PKIG: variants seen among roughly 807,000 people sequenced by gnomAD.
PKIG encodes protein kinase (cAMP-dependent, catalytic) inhibitor gamma.
In PKIG, 1 loss-of-function variant was observed where a neutral mutation model predicts 6.8. The ratio of observed to expected loss-of-function variants is 0.15; its 90% CI spans 0.05 to 0.69. PKIG has a LOEUF of 0.69. Ranked by LOEUF, PKIG falls within the 30% of genes least tolerant of loss-of-function variation. The probability of loss-of-function intolerance (pLI) is 0.82; values close to 1 mark genes in which losing one functional copy is unlikely to be tolerated. For missense variants in PKIG, 77 were observed against 104.0 expected (o/e 0.74, Z 1.13); for synonymous variants, 39 against 43.0 (o/e 0.91, Z 0.36).
At chr20:44,536,236 T>C (rs966061998) in intron 1 of PKIG, among the ~76,000 whole-genome samples, 13 of 152,190 alleles carry the variant, frequency 8.5e-5, no homozygotes, top group African/African-American at 2.9e-4. Context: ...GTTGCTTCCA[T>C]CTTTTGGCTA....
chr20:44,590,639 C>A (rs1175919843), intron 2 of PKIG, among the ~76,000 whole-genome samples: 2 of 152,202 alleles, frequency 1.3e-5, no homozygotes, highest in Non-Finnish European at 2.9e-5. Context: ...CACCAGGCAT[C>A]CATCAGCATC....
At chr20:44,556,552 G>A (rs571341986) in intron 1 of PKIG, among the ~76,000 whole-genome samples, 76 of 151,864 alleles carry the variant, frequency 5.0e-4, no homozygotes, top group Admixed American at 3.9e-3. Context: ...TAGTAGAGAC[G>A]GGGTTTCACC....
chr20:44,602,613 A>G (rs1448014642), intron 2 of PKIG, among the ~76,000 whole-genome samples: 2 of 151,952 alleles, frequency 1.3e-5, no homozygotes, highest in Non-Finnish European at 2.9e-5. Context: ...CAGGTGGATC[A>G]CTTGAGGTCA....
At chr20:44,544,417 A>G (rs189758076) in intron 1 of PKIG, among the ~76,000 whole-genome samples, 3 of 152,300 alleles carry the variant, frequency 2.0e-5, no homozygotes, top group East Asian at 3.9e-4. Flanking sequence ...TTTTTCTCTC[A>G]AAAAATATTA....
chr20:44,537,199 G>A (rs745434409), intron 1 of PKIG, among the ~76,000 whole-genome samples: 1 of 152,158 alleles, frequency 6.6e-6, no homozygotes, highest in Admixed American at 6.6e-5. Context: ...CCACCTCCTG[G>A]GTTCAAGCGA....
At chr20:44,576,745 G>A (rs2064901762) in intron 1 of PKIG, among the ~76,000 whole-genome samples, 2 of 152,182 alleles carry the variant, frequency 1.3e-5, no homozygotes, top group South Asian at 4.1e-4. Flanking sequence ...CTGTTTAAGT[G>A]AAGGTCCATC....
intron 1 of PKIG, among the ~76,000 whole-genome samples, chr20:44,568,110 G>A (rs1048407899): frequency 2.0e-5 from 3 of 152,082 alleles, no homozygotes; most frequent in Non-Finnish European, 2.9e-5. Context: ...CACTGCACTC[G>A]AGCCTGGGTG....
intron 2 of PKIG, among the ~76,000 whole-genome samples, chr20:44,613,111 G>C (rs868459954): frequency 6.6e-6 from 1 of 152,190 alleles, no homozygotes; most frequent in Non-Finnish European, 1.5e-5. Flanking sequence ...TCTCTAGACT[G>C]TGTTACCAAG....
At chr20:44,532,750 A>G (rs896139109) in intron 1 of PKIG, among the ~76,000 whole-genome samples, 1 of 152,206 alleles carries the variant, frequency 6.6e-6, no homozygotes, top group African/African-American at 2.4e-5. Flanking sequence ...AAAATGAGAC[A>G]TGAAGGCTGT....
At chr20:44,595,199 A>G (rs2065065135) in intron 2 of PKIG, among the ~76,000 whole-genome samples, 1 of 152,226 alleles carries the variant, frequency 6.6e-6, no homozygotes, top group Non-Finnish European at 1.5e-5. Context: ...CCCTGTGATC[A>G]TAGGTATGGT....
intron 1 of PKIG, among the ~76,000 whole-genome samples, chr20:44,562,601 C>CAAAAA (rs1191493549): frequency 6.9e-5 from 4 of 57,882 alleles, no homozygotes; most frequent in Admixed American, 1.9e-4. Flanking sequence ...GACCCTGTCT[C>CAAAAA]AAAAAAAAAA....
intron 1 of PKIG, 83 bp downstream of exon 1, chr20:44,582,814 G>A (rs976450118): frequency 3.3e-5 from 5 of 152,370 alleles, no homozygotes; most frequent in African/African-American, 1.2e-4. Context: ...TGGAGAGCTT[G>A]CTTTCCAGCC....
intron 1 of PKIG, among the ~76,000 whole-genome samples, chr20:44,565,096 T>C (rs1390169074): frequency 2.0e-5 from 3 of 152,262 alleles, no homozygotes; most frequent in Non-Finnish European, 2.9e-5. Flanking sequence ...GAAAATATTT[T>C]AAAGCATCAC....
intron 2 of PKIG, among the ~76,000 whole-genome samples, chr20:44,602,739 G>A (rs1380530470): frequency 6.6e-6 from 1 of 152,006 alleles, no homozygotes; most frequent in Non-Finnish European, 1.5e-5. Context: ...TACTTGGGAG[G>A]CTGAGGCAGG....
intron 1 of PKIG, among the ~76,000 whole-genome samples, chr20:44,586,396 C>T (rs2064990433): frequency 6.6e-6 from 1 of 152,170 alleles, no homozygotes; most frequent in African/African-American, 2.4e-5. Context: ...ATTTTGAAAC[C>T]CCTGTGATGA....
intron 2 of PKIG, chr20:44,598,634 T>A (rs1436017931): frequency 6.6e-6 from 1 of 152,190 alleles, no homozygotes; most frequent in Admixed American, 6.5e-5. Flanking sequence ...AGACTGCCAC[T>A]CTCTGGGAAC....
At chr20:44,544,287 A>G (rs2064590453) in intron 1 of PKIG, among the ~76,000 whole-genome samples, 1 of 152,078 alleles carries the variant, frequency 6.6e-6, no homozygotes, top group African/African-American at 2.4e-5. Context: ...CAGAAACAGA[A>G]TTGTGTTTCT....
chr20:44,585,813 C>G (rs2064985483), intron 1 of PKIG, among the ~76,000 whole-genome samples: 1 of 152,242 alleles, frequency 6.6e-6, no homozygotes, highest in South Asian at 2.1e-4. Context: ...CCCCTGGCCC[C>G]TGTGGGAATT....
At chr20:44,554,962 T>G (rs1183141147) in intron 1 of PKIG, among the ~76,000 whole-genome samples, 1 of 152,206 alleles carries the variant, frequency 6.6e-6, no homozygotes, top group Non-Finnish European at 1.5e-5. Context: ...AGTAGGGTAT[T>G]AAAAATTGTT....
Sources: gnomAD v4.1 joint callset for allele counts (sites outside exome capture counted in the v4.1 genomes callset) on GRCh38, gnomAD v4.1.1 for gene constraint, MANE v1.5 for transcripts, NCBI Gene and HGNC (gene_info 2026-07-23, HGNC 2026-07-21) for gene names.